Variants in BRINP3 observed in about 807,000 individuals in gnomAD.
BRINP3 encodes BMP/retinoic acid-inducible neural-specific protein 3.
Under a neutral mutation model 71.0 loss-of-function variants are expected in BRINP3, and 19 were observed. That is an observed-to-expected ratio of 0.27 (90% CI 0.19 to 0.39). The LOEUF (loss-of-function observed/expected upper bound fraction) is 0.39. Among genes scored for constraint, BRINP3 ranks in the 10% least tolerant of loss-of-function variants. The pLI is 1.00. For missense variants in BRINP3, 959 were observed against 940.8 expected (o/e 1.02, Z -0.25); for synonymous variants, 380 against 337.7 (o/e 1.13, Z -1.37).
chr1:190,249,434 A>G (rs1011031199), intron 4 of BRINP3, among the ~76,000 whole-genome samples: 1 of 151,874 alleles, frequency 6.6e-6, no homozygotes, highest in African/African-American at 2.4e-5. Flanking sequence ...TTATTAATTT[A>G]GGTAAGAGCA....
At chr1:190,465,427 T>A (rs966226139) in intron 1 of BRINP3, among the ~76,000 whole-genome samples, 1 of 151,952 alleles carries the variant, frequency 6.6e-6, no homozygotes, top group African/African-American at 2.4e-5. Context: ...TTTGTCTCTA[T>A]GTTGTCCAAT....
At chr1:190,327,665 C>T (rs899929880) in intron 2 of BRINP3, among the ~76,000 whole-genome samples, 2 of 152,072 alleles carry the variant, frequency 1.3e-5, no homozygotes, top group African/African-American at 4.8e-5. Context: ...TACTTTTTTA[C>T]TTACAAAGAC....
At position 190,299,625 on chromosome 1, in the gene BRINP3, T is replaced by C. The variant is rs1464127388; in HGVS notation, c.237-17875A>G. On this transcript the variant is annotated intron_variant, in intron 2 of 7. Coordinates refer to ENST00000367462, the MANE Select transcript of BRINP3 (RefSeq NM_199051.3). ...CAGTCCCCAGAGTGTGATGTTCCCC[T>C]TCCTGTGTCCATGTGTTCTCATTGT... is the stretch of plus-strand genomic sequence containing the variant. 3.3e-5 allele frequency among the ~76,000 whole-genome samples: 4 copies of C among 122,146 alleles called. No homozygotes were observed. The Admixed American group carries it at 4.6e-4, about 14-fold the overall frequency. 80.1% of individuals were successfully genotyped at this position (122,146 alleles called of 152,430 possible).
At chr1:190,212,463 G>A (rs1337514095) in intron 6 of BRINP3, among the ~76,000 whole-genome samples, 3 of 152,036 alleles carry the variant, frequency 2.0e-5, no homozygotes, top group Non-Finnish European at 4.4e-5. Context: ...AAGTATAGAA[G>A]ACTGGAAAAC....
At chr1:190,314,241 AAAT>A (rs1305071718) in intron 2 of BRINP3, among the ~76,000 whole-genome samples, 1 of 152,094 alleles carries the variant, frequency 6.6e-6, no homozygotes, top group African/African-American at 2.4e-5. Flanking sequence ...CATATTGGAA[AAAT>A]AATAACGTAG....
At chr1:190,341,474 C>T (rs150090090) in intron 2 of BRINP3, among the ~76,000 whole-genome samples, 1 of 151,806 alleles carries the variant, frequency 6.6e-6, no homozygotes, top group East Asian at 2.0e-4. Flanking sequence ...CACTTCAAAA[C>T]GCAATTTTAT....
intron 4 of BRINP3, among the ~76,000 whole-genome samples, chr1:190,257,776 C>G (rs559178487): frequency 2.6e-4 from 39 of 152,162 alleles, no homozygotes; most frequent in Admixed American, 8.5e-4. Context: ...GAGGTCCACT[C>G]CAGACCCTGT....
intron 2 of BRINP3, among the ~76,000 whole-genome samples, chr1:190,348,819 T>C (rs1445580308): frequency 1.3e-5 from 2 of 152,156 alleles, no homozygotes; most frequent in Non-Finnish European, 2.9e-5. Context: ...TAACCTTATT[T>C]AACACAGCTA....
chr1:190,297,169 C>T (rs549473623), intron 2 of BRINP3, among the ~76,000 whole-genome samples: 44 of 151,880 alleles, frequency 2.9e-4, no homozygotes, highest in African/African-American at 1.0e-3. Context: ...TACAAAGTTA[C>T]AGTAATAAAA....
rs142191432 is a variant in BRINP3, at chr1:190,258,279, G to A, written c.618+6586C>T. On this transcript the variant is annotated intron_variant, in intron 4 of 7. Transcript: ENST00000367462. ...CAGTGAGCAAGGCTCCGTGGGCATG[G>A]GACCTCACTGAGCCAGGCACGGGAT... Among the ~76,000 whole-genome samples the A allele has an allele frequency of 5.1e-3, 784 of 152,288 alleles. 4 individuals carry two copies. Among genetic ancestry groups the A allele is most frequent in the African/African-American group, 0.018 (746 of 41,564 alleles).
At chr1:190,450,558 T>A (rs1202199612) in intron 2 of BRINP3, among the ~76,000 whole-genome samples, 1 of 152,158 alleles carries the variant, frequency 6.6e-6, no homozygotes, top group Non-Finnish European at 1.5e-5. Flanking sequence ...AAATTGTACA[T>A]TCTTAAAAAC....
rs1318678472 is a variant in BRINP3, at chr1:190,307,275, T to TG, written c.237-25526_237-25525insC. On this transcript the variant is annotated intron_variant, in intron 2 of 7. Coordinates refer to ENST00000367462, the MANE Select transcript of BRINP3 (RefSeq NM_199051.3). ...AAAACATTGTTTTTTTTTTTTTTTT[T>TG]TTTTTTTTTTTGAGACAGAGTCTCG... Among the ~76,000 whole-genome samples, 182 of 128,766 alleles carry TG rather than the reference T, an allele frequency of 1.4e-3. 1 individual carries two copies. Among genetic ancestry groups the TG allele is most frequent in the African/African-American group, 5.0e-3 (175 of 34,774 alleles). 84.5% of individuals were successfully genotyped at this position (128,766 alleles called of 152,430 possible).
At chr1:190,142,338 A>G (rs1655524371) in intron 7 of BRINP3, among the ~76,000 whole-genome samples, 1 of 152,230 alleles carries the variant, frequency 6.6e-6, no homozygotes, top group African/African-American at 2.4e-5. Context: ...AATGATAACT[A>G]ATCATAATTA....
intron 2 of BRINP3, among the ~76,000 whole-genome samples, chr1:190,297,371 A>C (rs1040852546): frequency 1.3e-5 from 2 of 151,958 alleles, no homozygotes; most frequent in South Asian, 2.1e-4. Context: ...CAAAAAAAAA[A>C]CTCAAAAAAG....
At chr1:190,477,184 A>G (rs1677555062) in intron 1 of BRINP3, among the ~76,000 whole-genome samples, 1 of 152,180 alleles carries the variant, frequency 6.6e-6, no homozygotes, top group Non-Finnish European at 1.5e-5. Context: ...CGTGTAACCC[A>G]TAATATAAAT....
intron 2 of BRINP3, among the ~76,000 whole-genome samples, chr1:190,387,709 A>C (rs187401484): frequency 6.6e-6 from 1 of 151,808 alleles, no homozygotes; most frequent in Admixed American, 6.6e-5. Context: ...CTAAGCTTTG[A>C]AGTGTAGCAA....
chr1:190,112,331 G>A (rs1286327268), intron 7 of BRINP3, among the ~76,000 whole-genome samples: 2 of 152,122 alleles, frequency 1.3e-5, no homozygotes, highest in East Asian at 3.9e-4. Context: ...TCAAATTAAT[G>A]TTGAGAGTAT....
rs1334402738 is a variant in BRINP3, at chr1:190,405,450, C to CAAAAAAAAA, written c.236+49196_236+49204dup. Among the ~76,000 whole-genome samples the CAAAAAAAAA allele has an allele frequency of 5.1e-4, 20 of 39,144 alleles. 5 individuals are homozygous for CAAAAAAAAA. Among genetic ancestry groups the CAAAAAAAAA allele is most frequent in the African/African-American group, 8.3e-4 (6 of 7,264 alleles). The allele number at this position is 39,144 out of a possible 152,430, so 25.7% of individuals were successfully genotyped here. ...TGGGCGACAGAGCGAGACTCCGTCTCAAAAAAAAAAAAAAAAAAAAAAAAA... is the reference window on the plus strand; with the variant it reads ...TGGGCGACAGAGCGAGACTCCGTCTCAAAAAAAAAAAAAAAAAAAAAAAAAAAAAAAAAA... On this transcript the variant is annotated intron_variant, in intron 2 of 7. Coordinates refer to ENST00000367462, the MANE Select transcript of BRINP3 (RefSeq NM_199051.3).
At chr1:190,189,382 T>A (rs207460840) in intron 6 of BRINP3, among the ~76,000 whole-genome samples, 1 of 152,128 alleles carries the variant, frequency 6.6e-6, no homozygotes, top group African/African-American at 2.4e-5. Context: ...GTCTAATGTA[T>A]AAATGATTTG....
Sources: gnomAD v4.1 joint callset for allele counts (sites outside exome capture counted in the v4.1 genomes callset) on GRCh38, gnomAD v4.1.1 for gene constraint, MANE v1.5 for transcripts, NCBI Gene and HGNC (gene_info 2026-07-23, HGNC 2026-07-21) for gene names.